Variants in GLYATL2 observed in about 807,000 individuals in gnomAD.
The protein encoded by GLYATL2 is glycine-N-acyltransferase like 2.
In GLYATL2, 25 loss-of-function variants were observed where a neutral mutation model predicts 21.4. The observed-to-expected ratio is 1.17, with a 90% CI of 0.85 to 1.63. The LOEUF is 1.63. GLYATL2 is among the 40% of genes most tolerant of loss of function. GLYATL2 has a pLI of 0.00. For missense variants in GLYATL2, 361 were observed against 343.3 expected (o/e 1.05, Z -0.41); for synonymous variants, 114 against 118.2 (o/e 0.96, Z 0.23).
intron 1 of GLYATL2, among the ~76,000 whole-genome samples, chr11:58,871,625 ATGGC>A (rs1340962588): frequency 1.3e-5 from 2 of 151,952 alleles, no homozygotes; most frequent in Non-Finnish European, 2.9e-5. Context: ...ATCCTTTTTT[ATGGC>A]TGCATAGTAT....
rs1853381293 is a variant in GLYATL2 at position 58,834,149 on chromosome 11, G to A, written c.*280C>T. On this transcript the variant is annotated 3_prime_UTR_variant, in exon 6 of 6. Coordinates refer to ENST00000287275, the MANE Select transcript of GLYATL2 (RefSeq NM_145016.4). ...AGAAATAGTCTTCATTTAAGAAAGTGTTGCCGTTAAAGGGTTATCTTGGCA... is the reference window on the plus strand; with the variant it reads ...AGAAATAGTCTTCATTTAAGAAAGTATTGCCGTTAAAGGGTTATCTTGGCA... 1 of 266,474 alleles carries A rather than the reference G, an allele frequency of 3.8e-6. No homozygotes were observed. The highest frequency in any genetic ancestry group is 7.0e-6 in the Non-Finnish European group (1 of 143,102). The allele number at this position is 266,474 out of a possible 1,614,324, so 16.5% of individuals were successfully genotyped here. A position where few individuals can be genotyped will look rare whatever the true frequency, so the allele number is the denominator to read the frequency against.
At chr11:58,869,071 ATTTTTATTT>A (rs1241808584) in intron 1 of GLYATL2, among the ~76,000 whole-genome samples, 5,885 of 139,132 alleles carry the variant, frequency 0.042, 577 homozygotes, top group East Asian at 0.21. Flanking sequence ...TTCTGTAGGA[ATTTTTATTT>A]GCAGTTTAAT....
intron 1 of GLYATL2, among the ~76,000 whole-genome samples, chr11:58,886,094 T>C (rs921314175): frequency 6.6e-6 from 1 of 152,128 alleles, no homozygotes; most frequent in Non-Finnish European, 1.5e-5. Context: ...TACATGTTTA[T>C]ACTCCTAGCT....
At chr11:58,903,543 G>T (rs1704917369) in intron 1 of GLYATL2, among the ~76,000 whole-genome samples, 1 of 151,984 alleles carries the variant, frequency 6.6e-6, no homozygotes, top group Non-Finnish European at 1.5e-5. Flanking sequence ...CGTGGTGACA[G>T]GCACTTGTAA....
At chr11:58,894,993 C>T (rs928466160) in intron 1 of GLYATL2, among the ~76,000 whole-genome samples, 3 of 152,038 alleles carry the variant, frequency 2.0e-5, no homozygotes, top group Non-Finnish European at 4.4e-5. Context: ...GAAGACAAAG[C>T]GAATAAAATT....
intron 1 of GLYATL2, among the ~76,000 whole-genome samples, chr11:58,899,185 G>A (rs912915185): frequency 6.6e-6 from 1 of 152,090 alleles, no homozygotes; most frequent in Non-Finnish European, 1.5e-5. Flanking sequence ...CAACATCACA[G>A]GATATAATAG....
intron 1 of GLYATL2, among the ~76,000 whole-genome samples, chr11:58,881,625 A>T (rs932917254): frequency 6.6e-6 from 1 of 152,150 alleles, no homozygotes; most frequent in African/African-American, 2.4e-5. Flanking sequence ...TGTAGGGAAC[A>T]TGTGCACAAT....
At chr11:58,894,964 GATAATACA>G (rs1854609875) in intron 1 of GLYATL2, among the ~76,000 whole-genome samples, 1 of 5,198 alleles carries the variant, frequency 1.9e-4, no homozygotes, top group Non-Finnish European at 5.2e-3. Flanking sequence ...AGCTAATACA[GATAATACA>G]GATGACAAAA....
upstream of GLYATL2, among the ~76,000 whole-genome samples, chr11:58,908,915 G>A (rs936647057): frequency 6.6e-6 from 1 of 152,094 alleles, no homozygotes; most frequent in African/African-American, 2.4e-5. Context: ...TTATGCAGTA[G>A]GTAATATTAT....
At chr11:58,894,747 G>C (rs1854606907) in intron 1 of GLYATL2, among the ~76,000 whole-genome samples, 1 of 152,186 alleles carries the variant, frequency 6.6e-6, no homozygotes, top group Admixed American at 6.5e-5. Flanking sequence ...TGGTAGATCT[G>C]TTACATCTTA....
At chr11:58,873,869 T>C (rs1854173203) in intron 1 of GLYATL2, among the ~76,000 whole-genome samples, 1 of 152,214 alleles carries the variant, frequency 6.6e-6, no homozygotes, top group South Asian at 2.1e-4. Context: ...TGGTACCAGC[T>C]CCTCCTTGTA....
chr11:58,883,584 C>G (rs1032050485), intron 1 of GLYATL2, among the ~76,000 whole-genome samples: 3 of 152,074 alleles, frequency 2.0e-5, no homozygotes, highest in African/African-American at 7.2e-5. Flanking sequence ...AATAGCCTAC[C>G]AACCAAAAAA....
intron 1 of GLYATL2, among the ~76,000 whole-genome samples, chr11:58,882,898 T>G (rs960217800): frequency 5.9e-5 from 9 of 152,198 alleles, no homozygotes; most frequent in African/African-American, 2.2e-4. Flanking sequence ...TTCTGAAGGC[T>G]CTGTTCTGTT....
upstream of GLYATL2, chr11:58,908,627 C>T: frequency 6.5e-6 from 1 of 154,414 alleles, no homozygotes; most frequent in East Asian, 1.9e-4. Context: ...AGATAAATTC[C>T]TAAAGAATAA....
intron 1 of GLYATL2, among the ~76,000 whole-genome samples, chr11:58,855,607 A>C (rs1199269874): frequency 2.0e-5 from 3 of 152,214 alleles, no homozygotes; most frequent in Admixed American, 6.5e-5. Context: ...AACTCTAATG[A>C]GAAAGTCAGC....
At chr11:58,893,917 G>T (rs1854589818) in intron 1 of GLYATL2, among the ~76,000 whole-genome samples, 1 of 152,030 alleles carries the variant, frequency 6.6e-6, no homozygotes, top group African/African-American at 2.4e-5. Context: ...GCTCATAAAT[G>T]GAATCAGCCT....
At chr11:58,906,656 A>G (rs1227574076), upstream of GLYATL2, among the ~76,000 whole-genome samples, 1 of 152,138 alleles carries the variant, frequency 6.6e-6, no homozygotes, top group Non-Finnish European at 1.5e-5. Flanking sequence ...GCAGAGATTT[A>G]GGTATGGTAA....
At chr11:58,886,617 T>C (rs1337473720) in intron 1 of GLYATL2, among the ~76,000 whole-genome samples, 1 of 152,220 alleles carries the variant, frequency 6.6e-6, no homozygotes, top group Non-Finnish European at 1.5e-5. Flanking sequence ...TTTTAAATAG[T>C]ATCTACCAGA....
chr11:58,876,320 C>T (rs1310342899), intron 1 of GLYATL2, among the ~76,000 whole-genome samples: 2 of 152,204 alleles, frequency 1.3e-5, no homozygotes, highest in African/African-American at 4.8e-5. Context: ...CAGCTTTGTC[C>T]CATTGCTGGT....
Sources: gnomAD v4.1 joint callset for allele counts (sites outside exome capture counted in the v4.1 genomes callset) on GRCh38, gnomAD v4.1.1 for gene constraint, MANE v1.5 for transcripts, NCBI Gene and HGNC (gene_info 2026-07-23, HGNC 2026-07-21) for gene names.